Variants in ZNF705G observed in about 807,000 individuals in gnomAD.
ZNF705G encodes the protein putative zinc finger protein 705G.
A neutral mutation model predicts 19.6 loss-of-function variants in ZNF705G; 23 were observed. The ratio of observed to expected loss-of-function variants is 1.17; its 90% CI spans 0.84 to 1.66. The LOEUF (loss-of-function observed/expected upper bound fraction) is 1.66. ZNF705G is among the 40% of genes most tolerant of loss of function. The pLI, the probability that ZNF705G is intolerant of heterozygous loss-of-function variation, is 0.00. For missense variants in ZNF705G, 457 were observed against 354.4 expected (o/e 1.29, Z -2.32); for synonymous variants, 146 against 117.7 (o/e 1.24, Z -1.56).
chr8:7,363,102 G>C (rs562072385), intron 2 of ZNF705G, 85 bp from the exon 3 acceptor site: 1 of 1,528,416 alleles, frequency 6.5e-7, no homozygotes, highest in African/African-American at 1.5e-5. Context: ...GACTTTCACT[G>C]AAGTGTGACA....
intron 2 of ZNF705G, among the ~76,000 whole-genome samples, chr8:7,376,694 A>T (rs1425470538): frequency 1.3e-5 from 2 of 150,192 alleles, no homozygotes; most frequent in African/African-American, 2.5e-5. Context: ...AGATATGAGT[A>T]GTGAGTGAAG....
At position 7,358,158 on chromosome 8, in the gene ZNF705G, A is replaced by G. The variant is rs764448075; in HGVS notation, c.721T>C (p.Phe241Leu). ...HQYGKVFIQS[F>L]NLQRHERTHL... The stretch of plus-strand genomic sequence containing the variant: ...GTTCTCTCATGTCTTTGAAGGTTAA[A>G]GGATTGAATAAAGACTTTCCCATAT... The change falls in exon 7 of 7, where the codon TTT becomes CTT. Residue 241 changes from phenylalanine (F) to leucine (L), a missense_variant. Transcript: ENST00000400156. The G allele has an allele frequency of 5.0e-6, 8 of 1,607,554 alleles. No homozygotes were observed. In the Admixed American group the frequency reaches 1.0e-4, roughly 20 times the overall value.
intron 5 of ZNF705G, 64 bp downstream of exon 5, chr8:7,360,173 T>A (rs1806507056): frequency 6.5e-7 from 1 of 1,530,188 alleles, no homozygotes; most frequent in Non-Finnish European, 8.8e-7. Context: ...TAATTAATAT[T>A]CAACTGATAT....
In ZNF705G at chr8:7,384,851, G is replaced by A. The variant is rs917757609; in HGVS notation, c.-222+647C>T. Among the ~76,000 whole-genome samples, 44 of 146,004 alleles carry A rather than the reference G, an allele frequency of 3.0e-4. 1 individual carries two copies. Among genetic ancestry groups the A allele is most frequent in the Middle Eastern group, 3.4e-3 (1 of 290 alleles). On this transcript the variant is annotated intron_variant, in intron 1 of 6. Transcript: ENST00000400156. Reference sequence around the variant, plus strand: ...ATGAACATTCTTGAACACCTATCACGTACCATGAGTCTTGAAAGTGGTATC... The same window carrying A: ...ATGAACATTCTTGAACACCTATCACATACCATGAGTCTTGAAAGTGGTATC...
At chr8:7,366,213 T>A (rs1227882164) in intron 2 of ZNF705G, among the ~76,000 whole-genome samples, 1 of 96,174 alleles carries the variant, frequency 1.0e-5, no homozygotes, top group African/African-American at 4.0e-5. Flanking sequence ...TGGAAAATCC[T>A]ATTATCTTGA....
At chr8:7,360,715 C>T (rs1344555579) in intron 4 of ZNF705G, among the ~76,000 whole-genome samples, 2 of 149,500 alleles carry the variant, frequency 1.3e-5, no homozygotes, top group South Asian at 2.1e-4. Flanking sequence ...AATTGGTGTT[C>T]TATATGGAAA....
At chr8:7,359,830 C>A (rs1311779110) in intron 5 of ZNF705G, 129 bp from the exon 6 acceptor site, 4 of 1,374,692 alleles carry the variant, frequency 2.9e-6, no homozygotes, top group Non-Finnish European at 4.0e-6. Flanking sequence ...AATGAAGAAA[C>A]TACTTGAATA....
rs1252573275 is a variant in ZNF705G at position 7,357,950 on chromosome 8, T to C, written c.*26A>G. 1 of 1,608,148 alleles carries C rather than the reference T, an allele frequency of 6.2e-7. No individual in the cohort carries two copies. The highest frequency in any genetic ancestry group is 2.2e-5 in the East Asian group (1 of 44,844). On this transcript the variant is annotated 3_prime_UTR_variant, in exon 7 of 7. Coordinates refer to ENST00000400156, the MANE Select transcript of ZNF705G (RefSeq NM_001164457.3). ...CCCACATAAATGGCATTCATATGGC[T>C]TTTCTCCAGTGCGTGTTCTCTCATG...
At chr8:7,358,834 A>G (rs1196453722) in intron 6 of ZNF705G, among the ~76,000 whole-genome samples, 3 of 149,262 alleles carry the variant, frequency 2.0e-5, no homozygotes, top group South Asian at 4.2e-4. Context: ...CGCCTCCCCC[A>G]TATTTTGCCC....
At chr8:7,364,663 CATT>C (rs1423003547) in intron 2 of ZNF705G, among the ~76,000 whole-genome samples, 5 of 149,696 alleles carry the variant, frequency 3.3e-5, no homozygotes, top group Non-Finnish European at 7.4e-5. Flanking sequence ...TCCCAAACAT[CATT>C]GTGTCTATTT....
intron 3 of ZNF705G, among the ~76,000 whole-genome samples, chr8:7,361,992 T>C (rs901853120): frequency 1.3e-5 from 2 of 149,684 alleles, no homozygotes; most frequent in Non-Finnish European, 2.9e-5. Context: ...TGAGGAAATC[T>C]TAGTCCGATG....
At chr8:7,378,693 C>T (rs1807347883) in intron 2 of ZNF705G, among the ~76,000 whole-genome samples, 2 of 136,448 alleles carry the variant, frequency 1.5e-5, no homozygotes, top group Non-Finnish European at 3.0e-5. Flanking sequence ...ATTTTCAAAG[C>T]CAGCAACGGA....
At chr8:7,382,837 TA>T (rs1198771993) in intron 1 of ZNF705G, among the ~76,000 whole-genome samples, 1 of 146,776 alleles carries the variant, frequency 6.8e-6, no homozygotes, top group Non-Finnish European at 1.5e-5. Flanking sequence ...AGTTTTTTGT[TA>T]CATGGATGAA....
Position 7,365,489 on chromosome 8 carries a change from C to T in ZNF705G, c.-71-2472G>A, listed in dbSNP as rs1419802606. Among the ~76,000 whole-genome samples the T allele has an allele frequency of 2.0e-5, 3 of 148,350 alleles. 1 individual carries two copies. The highest frequency in any genetic ancestry group is 7.9e-5 in the African/African-American group (3 of 38,008). On this transcript the variant is annotated intron_variant, in intron 2 of 6. Coordinates refer to ENST00000400156, the MANE Select transcript of ZNF705G (RefSeq NM_001164457.3). ...CACCTCCCGGGTTCAAGCAATTCTC[C>T]AGCCTCAGCCTCCTGAGTAGCTGGG... is the stretch of plus-strand genomic sequence containing the variant.
At chr8:7,358,607 C>T (rs1563288558) in intron 6 of ZNF705G, 47 bp from the exon 7 acceptor site, 3 of 1,602,910 alleles carry the variant, frequency 1.9e-6, no homozygotes, top group South Asian at 1.1e-5. Context: ...CCACATATAT[C>T]TATACATTCA....
rs562072385 is a variant in ZNF705G at position 7,363,102 on chromosome 8, G to A, written c.-71-85C>T. 1.1e-3 allele frequency: 1,687 copies of A among 1,528,496 alleles called. 169 individuals are homozygous for A. The African/African-American group carries it at 0.023, about 21-fold the overall frequency. 94.7% of individuals were successfully genotyped at this position (1,528,496 alleles called of 1,614,324 possible). A position where few individuals can be genotyped will look rare whatever the true frequency, so the allele number is the denominator to read the frequency against. Reference sequence around the variant, plus strand: ...TGTGATGAAAAGCCAGACTTTCACTGAAGTGTGACACCAGCTGCACCACAG... The same window carrying A: ...TGTGATGAAAAGCCAGACTTTCACTAAAGTGTGACACCAGCTGCACCACAG... On this transcript the variant is annotated intron_variant, in intron 2 of 6. Coordinates refer to ENST00000400156, the MANE Select transcript of ZNF705G (RefSeq NM_001164457.3).
At position 7,369,036 on chromosome 8, in the gene ZNF705G, A is replaced by C. The variant is rs372211753; in HGVS notation, c.-71-6019T>G. Among the ~76,000 whole-genome samples the C allele has an allele frequency of 4.9e-4, 74 of 149,744 alleles. No homozygotes were observed. The East Asian group carries it at 0.011, about 22-fold the overall frequency. On this transcript the variant is annotated intron_variant, in intron 2 of 6. Transcript: ENST00000400156. ...AGGCAGAAGGCAAAAGGCATGTCTT[A>C]CATCACAGCAGGCAAGTGAGAGAAT...
Position 7,368,028 on chromosome 8 carries a change from G to T in ZNF705G, c.-71-5011C>A, listed in dbSNP as rs551755108. Among the ~76,000 whole-genome samples the T allele has an allele frequency of 3.8e-4, 57 of 149,692 alleles. 6 individuals are homozygous for T. The highest frequency in any genetic ancestry group is 1.4e-3 in the African/African-American group (56 of 39,124). On this transcript the variant is annotated intron_variant, in intron 2 of 6. Transcript: ENST00000400156. ...GCAAGCAGCAAGACTCTTTCCCCAA[G>T]GTCTTAAAGTCTTCAGATGCTCCTT...
At chr8:7,374,861 G>T (rs1180774609) in intron 2 of ZNF705G, among the ~76,000 whole-genome samples, 1 of 89,524 alleles carries the variant, frequency 1.1e-5, no homozygotes, top group Non-Finnish European at 2.2e-5. Context: ...TGTTCCTAAA[G>T]CAAATGGCCG....
Sources: gnomAD v4.1 joint callset for allele counts (sites outside exome capture counted in the v4.1 genomes callset) on GRCh38, gnomAD v4.1.1 for gene constraint, MANE v1.5 for transcripts, NCBI Gene and HGNC (gene_info 2026-07-23, HGNC 2026-07-21) for gene names.